The following LRRC4C variants were observed in gnomAD, a reference collection of about 807,000 sequenced individuals.
The protein encoded by LRRC4C is leucine-rich repeat-containing protein 4C.
In LRRC4C, 5 loss-of-function variants were observed where a neutral mutation model predicts 33.6. The observed-to-expected ratio is 0.15, with a 90% CI of 0.08 to 0.31. The LOEUF (loss-of-function observed/expected upper bound fraction) is 0.31, where lower values mean the gene tolerates loss of function less well. Ranked by LOEUF, LRRC4C falls within the 10% of genes least tolerant of loss-of-function variation. The pLI, the probability that LRRC4C is intolerant of heterozygous loss-of-function variation, is 1.00. For synonymous variants in LRRC4C, 329 were observed against 302.0 expected, an observed-to-expected ratio of 1.09 and a Z score of -0.93; for missense variants, 560 against 796.7, an observed-to-expected ratio of 0.70 and a Z score of 3.58.
chr11:40,467,841 A>C (rs1442442410), intron 3 of LRRC4C, among the ~76,000 whole-genome samples: 1 of 152,178 alleles, frequency 6.6e-6, no homozygotes, highest in Non-Finnish European at 1.5e-5. Context: ...ATACAGATAG[A>C]TCTCCCTCCT....
At chr11:40,298,525 A>G (rs774954642) in intron 4 of LRRC4C, among the ~76,000 whole-genome samples, 16 of 151,428 alleles carry the variant, frequency 1.1e-4, no homozygotes, top group Non-Finnish European at 2.2e-4. Context: ...GCAGAAGATC[A>G]TGAGTACCTT....
At chr11:40,538,249 A>G (rs1303020756) in intron 3 of LRRC4C, among the ~76,000 whole-genome samples, 1 of 151,974 alleles carries the variant, frequency 6.6e-6, no homozygotes, top group Non-Finnish European at 1.5e-5. Flanking sequence ...AGCAGCACTC[A>G]TTATTTTTAT....
intron 4 of LRRC4C, chr11:40,241,949 A>T (rs1865952095): frequency 6.6e-6 from 1 of 151,858 alleles, no homozygotes; most frequent in Non-Finnish European, 1.5e-5. Flanking sequence ...GGATCTGGTG[A>T]CTCCTTCTGT....
intron 2 of LRRC4C, among the ~76,000 whole-genome samples, chr11:40,889,753 C>T (rs893537625): frequency 5.9e-5 from 9 of 151,978 alleles, no homozygotes; most frequent in Non-Finnish European, 1.2e-4. Context: ...GACTTGATAT[C>T]GTCACATTCT....
chr11:41,448,932 G>A (rs1212871290), intron 1 of LRRC4C, among the ~76,000 whole-genome samples: 1 of 152,204 alleles, frequency 6.6e-6, no homozygotes, highest in East Asian at 1.9e-4. Context: ...TGATTTGACA[G>A]ATAAGAATAT....
At chr11:41,171,494 C>G (rs962912624) in intron 1 of LRRC4C, among the ~76,000 whole-genome samples, 2 of 150,842 alleles carry the variant, frequency 1.3e-5, no homozygotes, top group Non-Finnish European at 1.5e-5. Flanking sequence ...AGAAAGCTAT[C>G]GGAAGGACAA....
chr11:41,362,928 T>A lies in LRRC4C; in HGVS notation c.-496+96503A>T, dbSNP rs193231048. Among the ~76,000 whole-genome samples, 6 of 152,270 alleles carry A rather than the reference T, an allele frequency of 3.9e-5. No individual in the cohort carries two copies. The East Asian group carries it at 1.2e-3, about 29-fold the overall frequency. On this transcript the variant is annotated intron_variant, in intron 1 of 6. Coordinates refer to ENST00000528697, the MANE Select transcript of LRRC4C (RefSeq NM_001258419.2). ...TCTTTTCTGCAGTATAATCTCCTCA[T>A]CTCAAAATCACATCTGCAAATTCTC...
At chr11:41,247,143 T>C (rs912454483) in intron 1 of LRRC4C, among the ~76,000 whole-genome samples, 10 of 152,210 alleles carry the variant, frequency 6.6e-5, no homozygotes, top group African/African-American at 2.4e-4. Flanking sequence ...TGAATCTGTG[T>C]TATAAGTGTT....
intron 5 of LRRC4C, among the ~76,000 whole-genome samples, chr11:40,204,153 A>G (rs1225488460): frequency 6.6e-6 from 1 of 152,082 alleles, no homozygotes; most frequent in Non-Finnish European, 1.5e-5. Flanking sequence ...CTGGTCTGGA[A>G]TGCCTAACCT....
rs113530729 is a variant in LRRC4C, at chr11:40,289,935, T to C, written c.-176+29693A>G. 7.3e-3 allele frequency among the ~76,000 whole-genome samples: 1,117 copies of C among 152,268 alleles called. 4 individuals are homozygous for C. The highest frequency in any genetic ancestry group is 0.01 in the Admixed American group (159 of 15,290). On this transcript the variant is annotated intron_variant, in intron 4 of 6. Transcript: ENST00000528697. Reference sequence around the variant, plus strand: ...CTCTCTCTTAGGAAAGTTGCATGTATACATTAAGTGTGGAGGGCACAGGGA... The same window carrying C: ...CTCTCTCTTAGGAAAGTTGCATGTACACATTAAGTGTGGAGGGCACAGGGA...
chr11:40,490,526 GA>G (rs201198492), intron 3 of LRRC4C, among the ~76,000 whole-genome samples: 7 of 151,580 alleles, frequency 4.6e-5, no homozygotes, highest in African/African-American at 1.7e-4. Flanking sequence ...ACTTTTAAGG[GA>G]AAAAAAAGAC....
chr11:41,429,230 C>T (rs1389944165), intron 1 of LRRC4C, among the ~76,000 whole-genome samples: 1 of 152,150 alleles, frequency 6.6e-6, no homozygotes, highest in Non-Finnish European at 1.5e-5. Flanking sequence ...GTTTCCCCTT[C>T]CACCATGATT....
intron 3 of LRRC4C, among the ~76,000 whole-genome samples, chr11:40,394,576 A>G (rs1730714213): frequency 6.6e-6 from 1 of 152,168 alleles, no homozygotes; most frequent in African/African-American, 2.4e-5. Flanking sequence ...ACAAACCCAC[A>G]AAGTGACTGT....
intron 5 of LRRC4C, among the ~76,000 whole-genome samples, chr11:40,146,636 G>A (rs748267225): frequency 5.3e-5 from 8 of 152,122 alleles, no homozygotes; most frequent in Non-Finnish European, 7.4e-5. Context: ...CTGACGGAAT[G>A]GCTTCTAAGA....
intron 1 of LRRC4C, among the ~76,000 whole-genome samples, chr11:41,064,273 A>C (rs1214795769): frequency 2.6e-5 from 4 of 152,318 alleles, no homozygotes; most frequent in Admixed American, 2.6e-4. Flanking sequence ...TTATTTATTC[A>C]AACTCCATTA....
chr11:41,026,967 G>T (rs1856417478), intron 1 of LRRC4C, among the ~76,000 whole-genome samples: 1 of 151,434 alleles, frequency 6.6e-6, no homozygotes, highest in South Asian at 2.1e-4. Context: ...CAATGTTCTG[G>T]AACCAAACGC....
At chr11:40,368,718 T>G (rs1025890149) in intron 3 of LRRC4C, among the ~76,000 whole-genome samples, 1 of 152,212 alleles carries the variant, frequency 6.6e-6, no homozygotes, top group African/African-American at 2.4e-5. Flanking sequence ...AAGACCATTC[T>G]GTAAGATGGT....
Position 41,014,437 on chromosome 11 carries a change from A to C in LRRC4C, c.-495-80714T>G, listed in dbSNP as rs1365211430. Among the ~76,000 whole-genome samples, 3 of 151,746 alleles carry C rather than the reference A, an allele frequency of 2.0e-5. No individual in the cohort carries two copies. The East Asian group carries it at 5.8e-4, about 29-fold the overall frequency. On this transcript the variant is annotated intron_variant, in intron 1 of 6. Transcript: ENST00000528697. ...GGAAGCAATAAATGGTACCAAGAGC[A>C]CAGTGCATGTGTGTTGTTGATCACA...
intron 3 of LRRC4C, among the ~76,000 whole-genome samples, chr11:40,519,830 G>A (rs183723212): frequency 1.2e-4 from 18 of 152,306 alleles, no homozygotes; most frequent in Admixed American, 3.3e-4. Context: ...AGGGCAAAGC[G>A]AAGCAGCAAG....
Sources: allele counts gnomAD v4.1 joint callset (sites outside exome capture counted in the v4.1 genomes callset), GRCh38; gene constraint gnomAD v4.1.1; transcripts MANE v1.5; gene names NCBI Gene and HGNC (gene_info 2026-07-23, HGNC 2026-07-21).